FLT1: variants seen among roughly 807,000 people sequenced by gnomAD.
FLT1 encodes fms related receptor tyrosine kinase 1.
In FLT1, 49 loss-of-function variants were observed where a neutral mutation model predicts 156.3. That is an observed-to-expected ratio of 0.31 (90% CI 0.25 to 0.40). The LOEUF is 0.40. FLT1 is among the 10% of genes least tolerant of loss of function. FLT1 has a pLI of 1.00. For missense variants in FLT1, 1,322 were observed against 1,637.2 expected, an observed-to-expected ratio of 0.81 and a Z score of 3.32; for synonymous variants, 594 against 583.8, an observed-to-expected ratio of 1.02 and a Z score of -0.25.
chr13:28,316,281 C>G (rs1871200024), intron 25 of FLT1, among the ~76,000 whole-genome samples: 1 of 152,224 alleles, frequency 6.6e-6, no homozygotes, highest in African/African-American at 2.4e-5. Flanking sequence ...AGTGACTTTG[C>G]CCTTTGGCCA....
chr13:28,464,645 A>G (rs915482450), intron 3 of FLT1, among the ~76,000 whole-genome samples: 1 of 152,250 alleles, frequency 6.6e-6, no homozygotes, highest in Non-Finnish European at 1.5e-5. Context: ...TGGATTTGAC[A>G]CTCAAAGTCA....
At chr13:28,418,551 A>G (rs1229638750) in intron 10 of FLT1, among the ~76,000 whole-genome samples, 4 of 152,006 alleles carry the variant, frequency 2.6e-5, no homozygotes, top group African/African-American at 9.7e-5. Context: ...CTTCTGGAAG[A>G]CCAATCTATC....
intron 17 of FLT1, among the ~76,000 whole-genome samples, chr13:28,337,584 C>T (rs1593691168): frequency 6.6e-6 from 1 of 152,234 alleles, no homozygotes; most frequent in African/African-American, 2.4e-5. Flanking sequence ...CACTTTCTCT[C>T]ACCCATCAGA....
intron 10 of FLT1, among the ~76,000 whole-genome samples, chr13:28,407,342 A>AT (rs1212166171): frequency 7.9e-5 from 12 of 151,682 alleles, no homozygotes; most frequent in Non-Finnish European, 1.8e-4. Flanking sequence ...AGTTATCAAG[A>AT]TTTTGTCACA....
At chr13:28,378,383 T>C (rs1037454329) in intron 14 of FLT1, among the ~76,000 whole-genome samples, 1 of 152,156 alleles carries the variant, frequency 6.6e-6, no homozygotes, top group Non-Finnish European at 1.5e-5. Context: ...TGAGCAGATA[T>C]TCATTGTTTT....
chr13:28,418,108 A>G (rs1455956417), intron 10 of FLT1, among the ~76,000 whole-genome samples: 3 of 152,170 alleles, frequency 2.0e-5, no homozygotes, highest in Non-Finnish European at 4.4e-5. Flanking sequence ...AAAATCACAG[A>G]AAAGGACAAT....
rs112872816 is a variant in FLT1 at position 28,379,239 on chromosome 13, A to T, written c.2116+5646T>A. On this transcript the variant is annotated intron_variant, in intron 14 of 29. Transcript: ENST00000282397. ...GCACCTGCAATCCCAGCTATTCAGG[A>T]GGCTGAAGCACCAGAACCTGGGAGG... Among the ~76,000 whole-genome samples, 10 of 152,280 alleles carry T rather than the reference A, an allele frequency of 6.6e-5. No homozygotes were observed. The East Asian group carries it at 1.4e-3, about 21-fold the overall frequency.
chr13:28,447,548 A>G (rs1878690538), intron 3 of FLT1, among the ~76,000 whole-genome samples: 1 of 152,088 alleles, frequency 6.6e-6, no homozygotes, highest in Non-Finnish European at 1.5e-5. Flanking sequence ...ATGGCATTGG[A>G]TTCTTATATA....
intron 1 of FLT1, among the ~76,000 whole-genome samples, chr13:28,494,133 G>C (rs997444548): frequency 2.0e-5 from 3 of 152,106 alleles, no homozygotes; most frequent in Non-Finnish European, 4.4e-5. Context: ...GGCGCTCGCC[G>C]AGCGTTCCCC....
rs1473258446 is a variant in FLT1 at position 28,467,059 on chromosome 13, T to C, written c.232A>G (p.Lys78Glu). The change falls in exon 3 of 30, where the codon AAA becomes GAA. Residue 78 changes from lysine to glutamate, a missense_variant. Lys to Glu is a moderately conservative substitution (Grantham distance 56, BLOSUM62 1). Around this residue, in one of 3 missense-constraint regions of FLT1, gnomAD observed 991 missense variants for 1,254.8 expected, o/e 0.79. Transcript: ENST00000282397. Reference protein sequence around the residue: ...SKESERLSITKSACGRNGKQF... With the variant: ...SKESERLSITESACGRNGKQF... ...TTGCCATTTCTTCCACAGGCAGATT[T>C]AGTTATGCTCAGCCTTTCGCTTTCC... is the stretch of plus-strand genomic sequence containing the variant. The C allele has an allele frequency of 1.2e-6, 2 of 1,614,220 alleles. No individual in the cohort carries two copies. The highest frequency in any genetic ancestry group is 2.2e-5 in the South Asian group (2 of 91,084).
At position 28,402,183 on chromosome 13, in the gene FLT1, C is replaced by T. The variant is rs187751773; in HGVS notation, c.1551+3597G>A. ...AAACAAAGAAAAAAAATCCAAGGTG[C>T]TCCAGCGTGAGTGTGATCGCTGCCC... On this transcript the variant is annotated intron_variant, in intron 11 of 29. Transcript: ENST00000282397. 5.9e-5 allele frequency among the ~76,000 whole-genome samples: 9 copies of T among 152,290 alleles called. No individual in the cohort carries two copies. In the East Asian group the frequency reaches 1.5e-3, roughly 26 times the overall value.
At chr13:28,425,285 T>C (rs530688061) in intron 10 of FLT1, among the ~76,000 whole-genome samples, 5 of 152,194 alleles carry the variant, frequency 3.3e-5, no homozygotes, top group Admixed American at 2.6e-4. Flanking sequence ...GTCTTGTAAG[T>C]AGTGAAAAAA....
At chr13:28,335,160 C>G (rs903684598) in intron 17 of FLT1, among the ~76,000 whole-genome samples, 2 of 152,156 alleles carry the variant, frequency 1.3e-5, no homozygotes, top group African/African-American at 4.8e-5. Flanking sequence ...CTCAATAGAA[C>G]CCAGAGAAAT....
Position 28,300,963 on chromosome 13 carries a change from G to T in FLT1, c.*2204C>A, listed in dbSNP as rs1870489223. The stretch of plus-strand genomic sequence containing the variant: ...TCTTTCTACATTAAGACTCCAGATG[G>T]AACCATTCTTTGACTGATGGATGGA... On this transcript the variant is annotated 3_prime_UTR_variant, in exon 30 of 30. Coordinates refer to ENST00000282397, the MANE Select transcript of FLT1 (RefSeq NM_002019.4). 1 of 232,744 alleles carries T rather than the reference G, an allele frequency of 4.3e-6. No homozygotes were observed. The highest frequency in any genetic ancestry group is 8.5e-6 in the Non-Finnish European group (1 of 117,862). The allele number at this position is 232,744 out of a possible 1,614,324, so 14.4% of individuals were successfully genotyped here. A position where few individuals can be genotyped will look rare whatever the true frequency, so the allele number is the denominator to read the frequency against.
rs923423626 is a variant in FLT1 at position 28,312,232 on chromosome 13, T to C, written c.3387-134A>G. The C allele has an allele frequency of 5.7e-6, 4 of 704,950 alleles. No individual in the cohort carries two copies. The South Asian group carries it at 6.1e-5, about 11-fold the overall frequency. The allele number at this position is 704,950 out of a possible 1,614,324, so 43.7% of individuals were successfully genotyped here. A position where few individuals can be genotyped will look rare whatever the true frequency, so the allele number is the denominator to read the frequency against. On this transcript the variant is annotated intron_variant, in intron 25 of 29. Coordinates refer to ENST00000282397, the MANE Select transcript of FLT1 (RefSeq NM_002019.4). ...TTCTGTACTATGTGACCCTGCTTCA[T>C]TTTTAGGTTTGGGTTTATAGCACCA...
chr13:28,346,745 A>G (rs1260507343), intron 15 of FLT1, among the ~76,000 whole-genome samples: 1 of 152,190 alleles, frequency 6.6e-6, no homozygotes, highest in Non-Finnish European at 1.5e-5. Flanking sequence ...AGAGACAGAC[A>G]GATAGATGTT....
intron 3 of FLT1, among the ~76,000 whole-genome samples, chr13:28,464,313 T>C (rs1342615887): frequency 2.6e-5 from 4 of 152,254 alleles, no homozygotes; most frequent in Non-Finnish European, 2.9e-5. Context: ...TTGGAACTTG[T>C]AATTTTCTGC....
chr13:28,425,976 C>A (rs796730612), intron 10 of FLT1, among the ~76,000 whole-genome samples: 22 of 152,256 alleles, frequency 1.4e-4, no homozygotes, highest in African/African-American at 5.1e-4. Flanking sequence ...ACAGCTACTT[C>A]CCAGGAATTC....
intron 14 of FLT1, among the ~76,000 whole-genome samples, chr13:28,369,352 C>G (rs559806780): frequency 5.1e-4 from 77 of 152,212 alleles, no homozygotes; most frequent in Middle Eastern, 3.4e-3. Context: ...TGGTGAAACT[C>G]TGTCTCTACT....
Sources: allele counts gnomAD v4.1 joint callset (sites outside exome capture counted in the v4.1 genomes callset), GRCh38; gene constraint gnomAD v4.1.1; regional missense constraint gnomAD v4.1.1; transcripts MANE v1.5; gene names NCBI Gene and HGNC (gene_info 2026-07-23, HGNC 2026-07-21).